USP13: variants seen among roughly 807,000 people sequenced by gnomAD.
The protein encoded by USP13 is ubiquitin specific peptidase 13.
USP13 carries 68 observed loss-of-function variants against 107.8 expected under a neutral mutation model. The observed-to-expected ratio is 0.63, with a 90% CI of 0.52 to 0.77. USP13 has a LOEUF of 0.77. USP13 is among the 30% of genes least tolerant of loss of function. USP13 has a pLI of 0.00. For synonymous variants in USP13, 377 were observed against 389.5 expected, an observed-to-expected ratio of 0.97 and a Z score of 0.38; for missense variants, 945 against 1,093.3, an observed-to-expected ratio of 0.86 and a Z score of 1.91.
At chr3:179,658,432 T>C (rs532887228) in intron 1 of USP13, among the ~76,000 whole-genome samples, 1 of 148,608 alleles carries the variant, frequency 6.7e-6, no homozygotes, top group South Asian at 2.1e-4. Flanking sequence ...CTTGTGCTAA[T>C]TCTGCCCCCC....
chr3:179,775,188 A>G (rs1464606324), intron 19 of USP13, among the ~76,000 whole-genome samples: 2 of 151,870 alleles, frequency 1.3e-5, no homozygotes, highest in East Asian at 1.9e-4. Context: ...TGGTGCATTT[A>G]CAAACCTTTA....
chr3:179,741,804 T>G (rs1714210904), intron 11 of USP13, among the ~76,000 whole-genome samples: 1 of 152,246 alleles, frequency 6.6e-6, no homozygotes, highest in Admixed American at 6.5e-5. Context: ...ATTTCTGTTT[T>G]ATTTGTACCT....
chr3:179,716,136 C>T (rs1713106010), intron 6 of USP13, among the ~76,000 whole-genome samples: 1 of 152,090 alleles, frequency 6.6e-6, no homozygotes, highest in Non-Finnish European at 1.5e-5. Context: ...GTTGGTCAGG[C>T]TGGTCTTGAA....
chr3:179,702,018 CTTT>C (rs1314561679), intron 4 of USP13, among the ~76,000 whole-genome samples: 1 of 151,824 alleles, frequency 6.6e-6, no homozygotes, highest in African/African-American at 2.4e-5. Flanking sequence ...ATTTCTTTTT[CTTT>C]GTTTTTTTTC....
Position 179,721,537 on chromosome 3 carries a change from T to C in USP13, c.1036T>C (p.Tyr346His). The change falls in exon 8 of 21, where the codon TAT becomes CAT. Residue 346 changes from tyrosine (Y) to histidine (H), a missense_variant. Transcript: ENST00000263966. The surrounding 1 kb of genome is among the most constrained non-coding windows in gnomAD (Gnocchi z 4.3). ...TGLKNLGNSC[Y>H]LSSVMQAIFS... ...TCTGAAGAACCTGGGCAACAGCTGC[T>C]ATCTCAGCTCTGTCATGCAGGCCAT... 1 of 1,614,120 alleles carries C rather than the reference T, an allele frequency of 6.2e-7. No individual in the cohort carries two copies. Among genetic ancestry groups the C allele is most frequent in the South Asian group, 1.1e-5 (1 of 91,072 alleles).
chr3:179,749,724 C>G (rs931345540), intron 13 of USP13, among the ~76,000 whole-genome samples: 2 of 152,168 alleles, frequency 1.3e-5, no homozygotes, highest in African/African-American at 4.8e-5. Context: ...CTACCTATAA[C>G]ACAGTGATGT....
rs964154497 is a variant in USP13 at position 179,707,017 on chromosome 3, A to G, written c.561A>G (p.Pro187=). Residue 187 remains proline (P), a synonymous_variant, in exon 5 of 21, where the codon CCA becomes CCG. Coordinates refer to ENST00000263966, the MANE Select transcript of USP13 (RefSeq NM_003940.3). ...CAGACACGTGGGAAAATGAATTGCC[A>G]GTATCTAAATATGCCAACAACCTCA... The part of the protein sequence containing the change: ...QDPDTWENEL[P]VSKYANNLTQ... 3.7e-6 allele frequency: 6 copies of G among 1,614,106 alleles called. No homozygotes were observed. The highest frequency in any genetic ancestry group is 5.1e-6 in the Non-Finnish European group (6 of 1,180,050).
rs1377444193 is a variant in USP13 at position 179,730,270 on chromosome 3, A to G, written c.1160+10A>G. On this transcript the variant is annotated intron_variant, in intron 9 of 20. Coordinates refer to ENST00000263966, the MANE Select transcript of USP13 (RefSeq NM_003940.3). ...ATTTCAACACACAGATGTAAGTGCC[A>G]GATTTGTATTTTTTTTTTTCTAGAA... 5 of 1,510,284 alleles carry G rather than the reference A, an allele frequency of 3.3e-6. No individual in the cohort carries two copies. Among genetic ancestry groups the G allele is most frequent in the Admixed American group, 4.2e-5 (2 of 48,142 alleles). 93.6% of individuals were successfully genotyped at this position (1,510,284 alleles called of 1,614,324 possible). A position where few individuals can be genotyped will look rare whatever the true frequency, so the allele number is the denominator to read the frequency against.
intron 10 of USP13, among the ~76,000 whole-genome samples, chr3:179,733,742 G>A (rs1263545390): frequency 6.6e-6 from 1 of 152,150 alleles, no homozygotes; most frequent in Non-Finnish European, 1.5e-5. Context: ...GCCTTTTTAC[G>A]GGGCCACCAC....
chr3:179,706,570 C>G (rs958437114), intron 4 of USP13, among the ~76,000 whole-genome samples: 1 of 152,228 alleles, frequency 6.6e-6, no homozygotes. Context: ...GGAAAACACA[C>G]CACTTGGGTA....
At chr3:179,683,396 G>C (rs1348901082) in intron 2 of USP13, among the ~76,000 whole-genome samples, 4 of 152,118 alleles carry the variant, frequency 2.6e-5, no homozygotes, top group Non-Finnish European at 4.4e-5. Flanking sequence ...TTTTATACTA[G>C]TCTGTTTTCA....
intron 3 of USP13, 33 bp from the exon 4 acceptor site, chr3:179,700,975 A>G: frequency 6.3e-7 from 1 of 1,596,598 alleles, no homozygotes; most frequent in Non-Finnish European, 8.5e-7. Flanking sequence ...TATTTTCCTC[A>G]CTTCTTGTTC....
At chr3:179,737,385 C>T (rs1168511772) in intron 10 of USP13, among the ~76,000 whole-genome samples, 2 of 152,136 alleles carry the variant, frequency 1.3e-5, no homozygotes, top group African/African-American at 2.4e-5. Flanking sequence ...GGCACGTAGT[C>T]GGTATTCATC....
intron 1 of USP13, among the ~76,000 whole-genome samples, chr3:179,676,256 T>A (rs994076753): frequency 3.3e-5 from 5 of 152,220 alleles, no homozygotes; most frequent in African/African-American, 9.6e-5. Flanking sequence ...TTACCCAGTC[T>A]CGGGTGTTTC....
At chr3:179,700,886 T>C (rs1712491734) in intron 3 of USP13, 122 bp from the exon 4 acceptor site, 1 of 1,237,368 alleles carries the variant, frequency 8.1e-7, no homozygotes, top group Admixed American at 2.7e-5. Flanking sequence ...GAGAAAGTTG[T>C]AAATGTCACA....
At chr3:179,745,373 A>G (rs868458783) in intron 13 of USP13, among the ~76,000 whole-genome samples, 156 bp downstream of exon 13, 1 of 152,226 alleles carries the variant, frequency 6.6e-6, no homozygotes, top group East Asian at 1.9e-4. Flanking sequence ...ACTGTCGTCA[A>G]ACTTCACTTG....
At chr3:179,702,693 G>A (rs1188955235) in intron 4 of USP13, among the ~76,000 whole-genome samples, 1 of 152,138 alleles carries the variant, frequency 6.6e-6, no homozygotes. Flanking sequence ...AGTACTAAGT[G>A]CACAGTGTTC....
At chr3:179,762,018 C>T (rs1453180410) in intron 17 of USP13, among the ~76,000 whole-genome samples, 1 of 152,086 alleles carries the variant, frequency 6.6e-6, no homozygotes, top group Non-Finnish European at 1.5e-5. Flanking sequence ...TAACCATTAC[C>T]ACTATCAAAT....
intron 13 of USP13, among the ~76,000 whole-genome samples, chr3:179,746,177 C>CTATATA (rs147145177): frequency 9.9e-5 from 14 of 141,272 alleles, no homozygotes; most frequent in African/African-American, 3.1e-4. Flanking sequence ...GCAGTTCAAC[C>CTATATA]TATATATATA....
Sources: allele counts gnomAD v4.1 joint callset (sites outside exome capture counted in the v4.1 genomes callset), GRCh38; gene constraint gnomAD v4.1.1; non-coding constraint Gnocchi (gnomAD v3.1); transcripts MANE v1.5; gene names NCBI Gene and HGNC (gene_info 2026-07-23, HGNC 2026-07-21).